The following ADAM22 variants were observed in gnomAD, a reference collection of about 807,000 sequenced individuals.
The protein encoded by ADAM22 is ADAM metallopeptidase domain 22.
ADAM22 carries 65 observed loss-of-function variants against 144.6 expected under a neutral mutation model. The ratio of observed to expected loss-of-function variants is 0.45; its 90% CI spans 0.37 to 0.55. The LOEUF is 0.55. ADAM22 is among the 20% of genes least tolerant of loss of function. ADAM22 has a pLI of 0.00. For synonymous variants in ADAM22, 391 were observed against 412.6 expected, an observed-to-expected ratio of 0.95 and a Z score of 0.63; for missense variants, 974 against 1,184.9, an observed-to-expected ratio of 0.82 and a Z score of 2.61.
At chr7:88,019,857 ATGTGTGTG>A (rs35909431) in intron 3 of ADAM22, among the ~76,000 whole-genome samples, 2,692 of 139,026 alleles carry the variant, frequency 0.019, 72 homozygotes, top group African/African-American at 0.056. Context: ...CTCAAAAAAT[ATGTGTGTG>A]TGTGTGTGTG....
intron 4 of ADAM22, among the ~76,000 whole-genome samples, chr7:88,084,933 C>T (rs904999164): frequency 6.6e-6 from 1 of 152,168 alleles, no homozygotes; most frequent in Non-Finnish European, 1.5e-5. Flanking sequence ...TGGTTTTCTT[C>T]CTGTGTCTTC....
intron 3 of ADAM22, among the ~76,000 whole-genome samples, chr7:88,010,549 T>A (rs1168746216): frequency 6.6e-6 from 1 of 152,178 alleles, no homozygotes; most frequent in Non-Finnish European, 1.5e-5. Context: ...TAAAAAATGA[T>A]TGCAGGCAGT....
Position 88,138,257 on chromosome 7 carries a change from G to A in ADAM22, c.1220+2226G>A, listed in dbSNP as rs368490825. ...CTATAGTTGCAGTTTCAACAATTACGAAATTTCATACTAGAGATTCTTGTC... is the reference window on the plus strand; with the variant it reads ...CTATAGTTGCAGTTTCAACAATTACAAAATTTCATACTAGAGATTCTTGTC... On this transcript the variant is annotated intron_variant, in intron 14 of 31. Transcript: ENST00000413139. Among the ~76,000 whole-genome samples, 17 of 152,290 alleles carry A rather than the reference G, an allele frequency of 1.1e-4. No individual in the cohort carries two copies. In the Middle Eastern group the frequency reaches 0.014, roughly 122 times the overall value.
chr7:87,964,860 G>T (rs539034261), intron 2 of ADAM22, among the ~76,000 whole-genome samples: 46 of 152,250 alleles, frequency 3.0e-4, no homozygotes, highest in African/African-American at 9.4e-4. Context: ...TTAAGAATTT[G>T]GGGGCAGATT....
chr7:87,968,625 G>A (rs1045089455), intron 2 of ADAM22, among the ~76,000 whole-genome samples: 1 of 152,170 alleles, frequency 6.6e-6, no homozygotes, highest in African/African-American at 2.4e-5. Flanking sequence ...GAGGGGCTGA[G>A]GTGGCAGGAT....
chr7:88,018,275 C>T (rs60817019), intron 3 of ADAM22, among the ~76,000 whole-genome samples: 2,532 of 152,192 alleles, frequency 0.017, 85 homozygotes, highest in African/African-American at 0.058. Flanking sequence ...CAGAAACCAC[C>T]GTTCTCTTTG....
At position 88,193,049 on chromosome 7, in the gene ADAM22, A is replaced by G; in HGVS notation, c.2751-67A>G. 3.1e-6 allele frequency: 5 copies of G among 1,597,564 alleles called. No individual in the cohort carries two copies. In the African/African-American group the frequency reaches 4.0e-5, roughly 13 times the overall value. ...AAGTCAGAGGGTTTGTTCTGAACAC[A>G]CTTTTCAGATATTTGAAAAATGTTA... On this transcript the variant is annotated intron_variant, in intron 30 of 31. Coordinates refer to ENST00000413139, the MANE Select transcript of ADAM22 (RefSeq NM_001324418.2).
rs1826852722 is a variant in ADAM22, at chr7:88,113,708, ATATAT to A, written c.474-875_474-871del. ...ATATTATAAATAAATAAATAAATAT[ATATAT>A]ATATATATATATATATATATATATA... On this transcript the variant is annotated intron_variant, in intron 5 of 31. Transcript: ENST00000413139. 1.5e-3 allele frequency among the ~76,000 whole-genome samples: 138 copies of A among 93,732 alleles called. 4 individuals are homozygous for A. The highest frequency in any genetic ancestry group is 5.7e-3 in the South Asian group (15 of 2,616). The allele number at this position is 93,732 out of a possible 152,430, so 61.5% of individuals were successfully genotyped here.
At chr7:87,949,550 A>G (rs1366921011) in intron 2 of ADAM22, among the ~76,000 whole-genome samples, 2 of 152,206 alleles carry the variant, frequency 1.3e-5, no homozygotes, top group African/African-American at 4.8e-5. Context: ...CTTTAAGACA[A>G]TGATGTATGT....
At chr7:88,102,882 G>C (rs1307343255) in intron 4 of ADAM22, among the ~76,000 whole-genome samples, 1 of 152,084 alleles carries the variant, frequency 6.6e-6, no homozygotes, top group Non-Finnish European at 1.5e-5. Context: ...GAAACAGCTG[G>C]AGTAGATGTT....
chr7:88,072,400 A>T (rs1047732887), intron 3 of ADAM22, among the ~76,000 whole-genome samples: 4 of 152,140 alleles, frequency 2.6e-5, no homozygotes, highest in African/African-American at 9.7e-5. Flanking sequence ...TATTATTATT[A>T]TTATTACTAC....
At position 87,994,104 on chromosome 7, in the gene ADAM22, A is replaced by G. The variant is rs894001255; in HGVS notation, c.323+15692A>G. On this transcript the variant is annotated intron_variant, in intron 3 of 31. Coordinates refer to ENST00000413139, the MANE Select transcript of ADAM22 (RefSeq NM_001324418.2). ...TAAAAACCCTCTTTTTACAAAAATT[A>G]TATTGTGGCTTTGTGTTAATTGAAG... Among the ~76,000 whole-genome samples the G allele has an allele frequency of 2.6e-5, 4 of 152,206 alleles. No individual in the cohort carries two copies. In the East Asian group the frequency reaches 7.7e-4, roughly 29 times the overall value.
intron 26 of ADAM22, among the ~76,000 whole-genome samples, chr7:88,177,952 T>C (rs1380924024): frequency 2.0e-5 from 3 of 152,124 alleles, no homozygotes; most frequent in Non-Finnish European, 4.4e-5. Flanking sequence ...CCTCCAACAA[T>C]AGTACTGAAT....
intron 26 of ADAM22, among the ~76,000 whole-genome samples, chr7:88,177,368 C>T (rs1845932280): frequency 6.6e-6 from 1 of 151,164 alleles, no homozygotes; most frequent in Non-Finnish European, 1.5e-5. Context: ...TAGCTGGTGT[C>T]ATGTAACAAT....
At position 87,934,550 on chromosome 7, in the gene ADAM22, G is replaced by A; in HGVS notation, c.85G>A (p.Gly29Arg). ...TCPPARCGQA[G>R]DASLMELEKR... ...CCCTCCGGCGCGCTGCGGCCAGGCA[G>A]GTAAGTTAGCCGTCCTCTGTGCCTT... Residue 29 changes from glycine (G) to arginine (R), a missense_variant and splice_region_variant, in exon 1 of 32, where the codon GGA (glycine) becomes AGA (arginine). By Grantham distance (125) the Gly-to-Arg change is moderately radical (BLOSUM62 -2). This residue lies in a region of ADAM22 where 240 missense variants were observed against 234.3 expected (regional missense o/e 1.02). Transcript: ENST00000413139. The A allele has an allele frequency of 6.2e-7, 1 of 1,606,690 alleles. No individual in the cohort carries two copies. The highest frequency in any genetic ancestry group is 8.5e-7 in the Non-Finnish European group (1 of 1,179,146).
chr7:88,107,783 G>T (rs997124686), intron 4 of ADAM22, among the ~76,000 whole-genome samples: 16 of 151,642 alleles, frequency 1.1e-4, no homozygotes, highest in African/African-American at 3.6e-4. Context: ...GTAGAGACAG[G>T]GTCTTGCTAT....
chr7:88,008,809 A>G lies in ADAM22; in HGVS notation c.323+30397A>G, dbSNP rs202072021. Among the ~76,000 whole-genome samples, 919 of 152,054 alleles carry G rather than the reference A, an allele frequency of 6.0e-3. 13 individuals are homozygous for G. The highest frequency in any genetic ancestry group is 0.044 in the East Asian group (228 of 5,146). Reference sequence around the variant, plus strand: ...ATACCTAATGCTAAATGACGAGTTAATGGGTGCAGCACACCAGCATGGCAC... The same window carrying G: ...ATACCTAATGCTAAATGACGAGTTAGTGGGTGCAGCACACCAGCATGGCAC... On this transcript the variant is annotated intron_variant, in intron 3 of 31. Coordinates refer to ENST00000413139, the MANE Select transcript of ADAM22 (RefSeq NM_001324418.2).
intron 17 of ADAM22, among the ~76,000 whole-genome samples, chr7:88,145,829 A>G (rs1836236497): frequency 6.6e-6 from 1 of 152,204 alleles, no homozygotes; most frequent in African/African-American, 2.4e-5. Flanking sequence ...TGGAGCATGC[A>G]CATTAAATGA....
At chr7:88,082,106 C>G (rs1816858272) in intron 4 of ADAM22, among the ~76,000 whole-genome samples, 1 of 152,092 alleles carries the variant, frequency 6.6e-6, no homozygotes, top group South Asian at 2.1e-4. Flanking sequence ...GCTACAGTAA[C>G]CAAAACAGTA....
Sources: allele counts gnomAD v4.1 joint callset (sites outside exome capture counted in the v4.1 genomes callset), GRCh38; gene constraint gnomAD v4.1.1; regional missense constraint gnomAD v4.1.1; transcripts MANE v1.5; gene names NCBI Gene and HGNC (gene_info 2026-07-23, HGNC 2026-07-21).